The following RTN3 variants were observed in gnomAD, a reference collection of about 807,000 sequenced individuals.
RTN3 encodes the protein reticulon 3, also known as reticulon-3.
RTN3 carries 49 observed loss-of-function variants against 77.8 expected under a neutral mutation model. The observed-to-expected ratio is 0.63, with a 90% confidence interval of 0.50 to 0.80. The LOEUF is 0.80. Among genes scored for constraint, RTN3 ranks in the 30% least tolerant of loss-of-function variants. The probability of loss-of-function intolerance (pLI) is 0.00; values close to 1 mark genes in which losing one functional copy is unlikely to be tolerated. For missense variants in RTN3, 1,236 were observed against 1,211.9 expected (o/e 1.02, Z -0.29); for synonymous variants, 464 against 446.9 (o/e 1.04, Z -0.48).
rs181431573 is a variant in RTN3 at position 63,736,419 on chromosome 11, G to A, written c.2531-13572G>A. On this transcript the variant is annotated intron_variant, in intron 3 of 8. Transcript: ENST00000377819. ...AAATAATATAAAGGCCAGGCGTGGT[G>A]GCTCATGCCTGTAATCCCAGCACTT... Among the ~76,000 whole-genome samples, 111 of 152,302 alleles carry A rather than the reference G, an allele frequency of 7.3e-4. 4 individuals are homozygous for A. The East Asian group carries it at 0.02, about 28-fold the overall frequency.
intron 1 of RTN3, among the ~76,000 whole-genome samples, chr11:63,701,168 A>G (rs1942220584): frequency 1.3e-5 from 2 of 149,656 alleles, no homozygotes; most frequent in South Asian, 2.1e-4. Context: ...CCAAATTTTT[A>G]TACTTTCTAA....
At position 63,704,852 on chromosome 11, in the gene RTN3, T is replaced by A. The variant is rs544002522; in HGVS notation, c.144T>A (p.Asp48Glu). The A allele has an allele frequency of 2.5e-6, 4 of 1,608,340 alleles. No individual in the cohort carries two copies. The highest frequency in any genetic ancestry group is 3.4e-6 in the Non-Finnish European group (4 of 1,175,020). Residue 48 changes from aspartate to glutamate, a missense_variant and splice_region_variant, in exon 2 of 9, where the codon GAT (aspartate) becomes GAA (glutamate). Physicochemically the swap from Asp to Glu is conservative, Grantham distance 45 (BLOSUM62 2). Coordinates refer to ENST00000377819, the MANE Select transcript of RTN3 (RefSeq NM_001265589.2). ...CTCATGCTGTATATTTTCTTTCAGA[T>A]TCCTTTGTTTCTTCCTCTTCCTCTC... ...GTKSCSSSCA[D>E]SFVSSSSSQP... is the part of the protein sequence containing the mutation.
intron 1 of RTN3, among the ~76,000 whole-genome samples, chr11:63,684,934 A>G (rs1045057134): frequency 6.6e-6 from 1 of 150,460 alleles, no homozygotes; most frequent in East Asian, 2.0e-4. Flanking sequence ...TAATTTTTGT[A>G]CTTTTACTAG....
At chr11:63,717,747 C>T (rs2011491275) in intron 2 of RTN3, among the ~76,000 whole-genome samples, 1 of 151,562 alleles carries the variant, frequency 6.6e-6, no homozygotes, top group Non-Finnish European at 1.5e-5. Context: ...GGCGTAGCGG[C>T]TCACACCTGT....
chr11:63,703,117 TA>T (rs913906889), intron 1 of RTN3, among the ~76,000 whole-genome samples: 155 of 151,206 alleles, frequency 1.0e-3, no homozygotes, highest in African/African-American at 3.2e-3. Flanking sequence ...AAAACAACAA[TA>T]AAAAAAAACA....
chr11:63,753,605 T>G, intron 6 of RTN3, 57 bp from the exon 7 acceptor site: 1 of 1,468,206 alleles, frequency 6.8e-7, no homozygotes, highest in South Asian at 1.2e-5. Flanking sequence ...ACTCTGAGTC[T>G]TAAGATGTGA....
At chr11:63,741,448 C>T (rs7119961) in intron 3 of RTN3, among the ~76,000 whole-genome samples, 16,591 of 151,808 alleles carry the variant, frequency 0.11, 1,019 homozygotes, top group South Asian at 0.16. Context: ...GTGATCCACC[C>T]GCTTCAGCTT....
In RTN3 at chr11:63,753,157, T is replaced by C. The variant is rs372195772; in HGVS notation, c.2947+19T>C. The stretch of plus-strand genomic sequence containing the variant: ...ATTCTTGGTAAGGTGGCAAGGAGAA[T>C]GTGCCCATGCTCTTTGAAGTAGTTT... On this transcript the variant is annotated intron_variant, in intron 6 of 8. Transcript: ENST00000377819. 14 of 1,607,446 alleles carry C rather than the reference T, an allele frequency of 8.7e-6. No homozygotes were observed. The Admixed American group carries it at 2.0e-4, about 23-fold the overall frequency.
chr11:63,706,771 T>A (rs1942512896), intron 2 of RTN3, among the ~76,000 whole-genome samples: 1 of 152,188 alleles, frequency 6.6e-6, no homozygotes, highest in African/African-American at 2.4e-5. Context: ...AAATAGGTAT[T>A]AAATTATTCT....
At chr11:63,693,857 C>T (rs1433907394) in intron 1 of RTN3, among the ~76,000 whole-genome samples, 7 of 152,198 alleles carry the variant, frequency 4.6e-5, no homozygotes, top group Non-Finnish European at 4.4e-5. Context: ...CACAGTGGCT[C>T]ATGCCTGTAA....
intron 4 of RTN3, among the ~76,000 whole-genome samples, chr11:63,752,169 TAA>T (rs11297692): frequency 0.02 from 2,697 of 134,118 alleles, 83 homozygotes; most frequent in African/African-American, 0.065. Flanking sequence ...TTAAAACTGC[TAA>T]AAAAAAAAAA....
intron 1 of RTN3, among the ~76,000 whole-genome samples, chr11:63,691,929 TG>T (rs1217318079): frequency 1.3e-5 from 2 of 152,304 alleles, no homozygotes; most frequent in African/African-American, 4.8e-5. Context: ...AGTGCTACAG[TG>T]GCTTCCTGTT....
intron 3 of RTN3, among the ~76,000 whole-genome samples, chr11:63,735,557 T>TCTCC (rs2013041976): frequency 7.9e-6 from 1 of 127,374 alleles, no homozygotes; most frequent in Non-Finnish European, 1.6e-5. Context: ...CATTTCTCTC[T>TCTCC]CTCTCTCTCT....
At chr11:63,711,553 C>T (rs937165152) in intron 2 of RTN3, among the ~76,000 whole-genome samples, 1 of 151,624 alleles carries the variant, frequency 6.6e-6, no homozygotes, top group African/African-American at 2.4e-5. Context: ...CCACACCAAG[C>T]TAATTTAAAA....
At chr11:63,715,873 G>A (rs1394528474) in intron 2 of RTN3, among the ~76,000 whole-genome samples, 1 of 152,184 alleles carries the variant, frequency 6.6e-6, no homozygotes, top group East Asian at 1.9e-4. Context: ...TGATTTAAAT[G>A]TAATCTGTAG....
At position 63,718,887 on chromosome 11, in the gene RTN3, A is replaced by G. The variant is rs1319132720; in HGVS notation, c.385A>G (p.Lys129Glu). 2 of 1,613,996 alleles carry G rather than the reference A, an allele frequency of 1.2e-6. No individual in the cohort carries two copies. The highest frequency in any genetic ancestry group is 2.2e-5 in the South Asian group (2 of 91,050). Reference protein sequence around the residue: ...KDHLDLLDMKKMEKPQGTSNN... With the variant: ...KDHLDLLDMKEMEKPQGTSNN... ...CCACTTGGATCTTCTAGATATGAAAAAGATGGAAAAGCCTCAGGGGACCAG... is the reference window on the plus strand; with the variant it reads ...CCACTTGGATCTTCTAGATATGAAAGAGATGGAAAAGCCTCAGGGGACCAG... Residue 129 changes from lysine (K) to glutamate (E), a missense_variant, in exon 3 of 9, where the codon AAG becomes GAG. Coordinates refer to ENST00000377819, the MANE Select transcript of RTN3 (RefSeq NM_001265589.2).
intron 1 of RTN3, among the ~76,000 whole-genome samples, chr11:63,685,179 A>T (rs1941301052): frequency 6.6e-6 from 1 of 152,056 alleles, no homozygotes; most frequent in South Asian, 2.1e-4. Context: ...CACTACTTGA[A>T]CATAAAAGTT....
chr11:63,750,798 C>A (rs1235435200), intron 4 of RTN3, among the ~76,000 whole-genome samples: 1 of 151,956 alleles, frequency 6.6e-6, no homozygotes, highest in African/African-American at 2.4e-5. Flanking sequence ...GCGGTGCAAT[C>A]TCGGCTCACT....
intron 3 of RTN3, among the ~76,000 whole-genome samples, chr11:63,744,882 C>T (rs549239322): frequency 6.6e-6 from 1 of 152,238 alleles, no homozygotes; most frequent in South Asian, 2.1e-4. Flanking sequence ...GTCCTAGCTA[C>T]TTGGGATGCT....
Sources: allele counts gnomAD v4.1 joint callset (sites outside exome capture counted in the v4.1 genomes callset), GRCh38; gene constraint gnomAD v4.1.1; transcripts MANE v1.5; gene names NCBI Gene and HGNC (gene_info 2026-07-23, HGNC 2026-07-21).